The following ARFGEF3 variants were observed in gnomAD, a reference collection of about 807,000 sequenced individuals.
ARFGEF3 encodes brefeldin A-inhibited guanine nucleotide-exchange protein 3.
ARFGEF3 carries 96 observed loss-of-function variants against 221.7 expected under a neutral mutation model. The ratio of observed to expected loss-of-function variants is 0.43; its 90% CI spans 0.37 to 0.51. The LOEUF (loss-of-function observed/expected upper bound fraction) is 0.51. ARFGEF3 is among the 20% of genes least tolerant of loss of function. The pLI is 0.00. For synonymous variants in ARFGEF3, 1,145 were observed against 1,126.8 expected (o/e 1.02, Z -0.32); for missense variants, 2,410 against 2,789.9 (o/e 0.86, Z 3.07).
intron 2 of ARFGEF3, among the ~76,000 whole-genome samples, chr6:138,205,920 C>T (rs1434186112): frequency 1.3e-5 from 2 of 152,196 alleles, no homozygotes; most frequent in Admixed American, 6.5e-5. Flanking sequence ...GGAAAAGCAG[C>T]AGAGCTGCAG....
At chr6:138,223,001 G>A (rs1778008840) in intron 4 of ARFGEF3, among the ~76,000 whole-genome samples, 2 of 152,066 alleles carry the variant, frequency 1.3e-5, no homozygotes, top group Admixed American at 6.6e-5. Flanking sequence ...TCACTCCAAA[G>A]ACAAACATTC....
At chr6:138,243,908 G>A (rs1172597734) in intron 7 of ARFGEF3, among the ~76,000 whole-genome samples, 2 of 152,134 alleles carry the variant, frequency 1.3e-5, no homozygotes, top group African/African-American at 4.8e-5. Flanking sequence ...ACTGGAAGGT[G>A]CCCTTTTCAG....
chr6:138,321,367 T>C, intron 29 of ARFGEF3, 142 bp downstream of exon 29: 1 of 595,912 alleles, frequency 1.7e-6, no homozygotes, highest in Non-Finnish European at 3.0e-6. Context: ...ATGACTGTGC[T>C]AATAATTCTT....
chr6:138,326,938 C>A (rs1195339625), intron 31 of ARFGEF3, among the ~76,000 whole-genome samples: 1 of 152,212 alleles, frequency 6.6e-6, no homozygotes, highest in Non-Finnish European at 1.5e-5. Context: ...GGAATGAGAT[C>A]ATGTCCTTTG....
intron 2 of ARFGEF3, among the ~76,000 whole-genome samples, chr6:138,179,517 C>G (rs1314164423): frequency 6.6e-6 from 1 of 152,094 alleles, no homozygotes; most frequent in African/African-American, 2.4e-5. Flanking sequence ...CCCTAGCTGA[C>G]CCTCTGCCTG....
rs775125635 is a variant in ARFGEF3, at chr6:138,291,776, G to A, written c.3091G>A (p.Asp1031Asn). ...VGTLEHNHFS[D>N]GASQPPLTIS... Reference sequence around the variant, plus strand: ...CACCCTGGAGCACAACCACTTCAGCGATGGTGCCTCGCAGCCCCCTCTGAC... The same window carrying A: ...CACCCTGGAGCACAACCACTTCAGCAATGGTGCCTCGCAGCCCCCTCTGAC... Residue 1031 changes from aspartate (D) to asparagine (N), a missense_variant, in exon 19 of 34, where the codon GAT (aspartate) becomes AAT (asparagine). Asp to Asn is a conservative substitution (Grantham distance 23). Around this residue, in one of 5 missense-constraint regions of ARFGEF3, gnomAD observed 594 missense variants for 734.3 expected, o/e 0.81. Coordinates refer to ENST00000251691, the MANE Select transcript of ARFGEF3 (RefSeq NM_020340.5). This position sits in a 1 kb window ranked among gnomAD's most constrained non-coding sequence, Gnocchi z 4.5. 3 of 1,457,402 alleles carry A rather than the reference G, an allele frequency of 2.1e-6. No homozygotes were observed. The highest frequency in any genetic ancestry group is 2.5e-5 in the Admixed American group (1 of 39,688). The allele number at this position is 1,457,402 out of a possible 1,614,324, so 90.3% of individuals were successfully genotyped here. A position where few individuals can be genotyped will look rare whatever the true frequency, so the allele number is the denominator to read the frequency against.
intron 22 of ARFGEF3, among the ~76,000 whole-genome samples, chr6:138,299,627 G>A (rs1321235918): frequency 1.3e-5 from 2 of 152,252 alleles, no homozygotes; most frequent in African/African-American, 4.8e-5. Context: ...GGAAGCCAGA[G>A]AAGTAAGCGG....
chr6:138,261,420 T>C (rs1778791044), intron 10 of ARFGEF3, 107 bp from the exon 11 acceptor site: 2 of 626,214 alleles, frequency 3.2e-6, no homozygotes, highest in Non-Finnish European at 5.6e-6. Flanking sequence ...CCTTATACTA[T>C]ATCACTCAGT....
At chr6:138,164,223 C>A (rs986576445) in intron 1 of ARFGEF3, among the ~76,000 whole-genome samples, 4 of 135,616 alleles carry the variant, frequency 2.9e-5, no homozygotes, top group Admixed American at 2.2e-4. Flanking sequence ...CACTCTTCAA[C>A]CCCCCAATTT....
intron 2 of ARFGEF3, among the ~76,000 whole-genome samples, chr6:138,183,938 G>A (rs1777130704): frequency 1.3e-5 from 2 of 152,162 alleles, no homozygotes; most frequent in African/African-American, 2.4e-5. Flanking sequence ...GTCCAGAGGA[G>A]GGCATTGCCC....
intron 31 of ARFGEF3, among the ~76,000 whole-genome samples, chr6:138,327,293 T>C (rs1780143218): frequency 1.3e-5 from 2 of 151,300 alleles, no homozygotes; most frequent in Non-Finnish European, 2.9e-5. Flanking sequence ...TTTTTAAAAA[T>C]AGCTGGGCAT....
chr6:138,281,129 T>C (rs909648667), intron 14 of ARFGEF3, among the ~76,000 whole-genome samples: 5 of 152,158 alleles, frequency 3.3e-5, no homozygotes, highest in Admixed American at 3.3e-4. Flanking sequence ...TTTGAGACAA[T>C]GATCCTTGAG....
chr6:138,251,934 C>T (rs1195610193), intron 8 of ARFGEF3, among the ~76,000 whole-genome samples: 2 of 152,110 alleles, frequency 1.3e-5, no homozygotes, highest in Non-Finnish European at 1.5e-5. Flanking sequence ...TGTTTCATGT[C>T]AGGAGCTACG....
intron 2 of ARFGEF3, among the ~76,000 whole-genome samples, chr6:138,176,332 G>A (rs373627562): frequency 5.1e-4 from 77 of 151,894 alleles, no homozygotes; most frequent in African/African-American, 1.7e-3. Context: ...CAGGCACAGC[G>A]CCACCACACC....
chr6:138,226,833 A>G (rs890514617), intron 4 of ARFGEF3, among the ~76,000 whole-genome samples: 19 of 152,154 alleles, frequency 1.2e-4, no homozygotes, highest in Non-Finnish European at 2.4e-4. Flanking sequence ...AACAATTTCA[A>G]TAAGTCATTT....
rs1337551176 is a variant in ARFGEF3, at chr6:138,219,462, C to T, written c.351+9421C>T. On this transcript the variant is annotated intron_variant, in intron 4 of 33. Transcript: ENST00000251691. ...GATTCAGGAATCAGCAGAACCAAGT[C>T]TTTGGCATCGTGAAATATCTTATTG... Among the ~76,000 whole-genome samples the T allele has an allele frequency of 4.6e-5, 7 of 152,146 alleles. No homozygotes were observed. The South Asian group carries it at 1.2e-3, about 27-fold the overall frequency.
chr6:138,168,670 G>A (rs906523822), intron 1 of ARFGEF3, among the ~76,000 whole-genome samples: 3 of 152,200 alleles, frequency 2.0e-5, no homozygotes, highest in South Asian at 2.1e-4. Context: ...CAGAGTCAGG[G>A]AAGATGTTGA....
intron 21 of ARFGEF3, among the ~76,000 whole-genome samples, chr6:138,297,720 C>T (rs1268340183): frequency 6.6e-6 from 1 of 152,164 alleles, no homozygotes; most frequent in Non-Finnish European, 1.5e-5. Flanking sequence ...ATAAGGCCTC[C>T]CCAACATCTA....
intron 2 of ARFGEF3, among the ~76,000 whole-genome samples, chr6:138,177,688 C>T (rs76037364): frequency 5.3e-5 from 8 of 151,952 alleles, no homozygotes; most frequent in Non-Finnish European, 8.8e-5. Context: ...TATTTTGCCT[C>T]ACTGTATTAT....
Sources: gnomAD v4.1 joint callset for allele counts (sites outside exome capture counted in the v4.1 genomes callset) on GRCh38, gnomAD v4.1.1 for gene constraint, gnomAD v4.1.1 regional missense constraint, Gnocchi (gnomAD v3.1) non-coding constraint, MANE v1.5 for transcripts, NCBI Gene and HGNC (gene_info 2026-07-23, HGNC 2026-07-21) for gene names.